The following DNAL1 variants were observed in gnomAD, a reference collection of about 807,000 sequenced individuals.
The protein encoded by DNAL1 is chromosome 14 open reading frame 168.
A neutral mutation model predicts 29.4 loss-of-function variants in DNAL1; 17 were observed. The ratio of observed to expected loss-of-function variants is 0.58; its 90% CI spans 0.40 to 0.87. DNAL1 has a LOEUF of 0.87. Ranked by LOEUF, DNAL1 falls within the 40% of genes least tolerant of loss-of-function variation. The pLI is 0.00. For missense variants in DNAL1, 188 were observed against 214.1 expected, an observed-to-expected ratio of 0.88 and a Z score of 0.76; for synonymous variants, 78 against 76.3, an observed-to-expected ratio of 1.02 and a Z score of -0.12.
chr14:73,688,041 G>A (rs1892065341), intron 6 of DNAL1, among the ~76,000 whole-genome samples: 1 of 151,562 alleles, frequency 6.6e-6, no homozygotes, highest in South Asian at 2.1e-4. Flanking sequence ...TAGGATGAAC[G>A]TAATCTGATA....
intron 5 of DNAL1, among the ~76,000 whole-genome samples, chr14:73,686,564 G>T (rs1041542233): frequency 2.0e-5 from 3 of 152,066 alleles, no homozygotes; most frequent in Non-Finnish European, 2.9e-5. Context: ...AAATTAGCCA[G>T]ATGTGGTAGT....
chr14:73,666,186 A>G (rs1461007002), intron 4 of DNAL1, among the ~76,000 whole-genome samples: 1 of 152,146 alleles, frequency 6.6e-6, no homozygotes, highest in Non-Finnish European at 1.5e-5. Flanking sequence ...CTATAGTCTT[A>G]CCTATTATGC....
intron 2 of DNAL1, among the ~76,000 whole-genome samples, chr14:73,658,172 A>G (rs953120823): frequency 2.3e-4 from 35 of 152,226 alleles, no homozygotes; most frequent in African/African-American, 7.9e-4. Flanking sequence ...CCTTTTCCCA[A>G]TGTATTTTCT....
At position 73,645,425 on chromosome 14, in the gene DNAL1, T is replaced by C. The variant is rs145450191; in HGVS notation, c.3+383T>C. Among the ~76,000 whole-genome samples the C allele has an allele frequency of 3.9e-3, 598 of 152,302 alleles. 2 individuals are homozygous for C. The highest frequency in any genetic ancestry group is 0.014 in the African/African-American group (567 of 41,560). ...CCCCCGTCGAGATGCAGGGAGGGGC[T>C]GGTTACCAGAGGGTTCTGTATAACA... is the stretch of plus-strand genomic sequence containing the variant. On this transcript the variant is annotated intron_variant, in intron 1 of 7. Coordinates refer to ENST00000553645, the MANE Select transcript of DNAL1 (RefSeq NM_031427.4).
chr14:73,652,085 T>C (rs1490323972), intron 1 of DNAL1, among the ~76,000 whole-genome samples: 1 of 152,152 alleles, frequency 6.6e-6, no homozygotes, highest in Non-Finnish European at 1.5e-5. Flanking sequence ...TCACCCAGGC[T>C]GAGTGCAGTG....
At chr14:73,666,661 C>T (rs1264942264) in intron 4 of DNAL1, among the ~76,000 whole-genome samples, 1 of 152,032 alleles carries the variant, frequency 6.6e-6, no homozygotes, top group Non-Finnish European at 1.5e-5. Flanking sequence ...TTTAGCCATT[C>T]GTTACCATTT....
At chr14:73,688,010 A>G (rs1892063858) in intron 6 of DNAL1, among the ~76,000 whole-genome samples, 1 of 152,114 alleles carries the variant, frequency 6.6e-6, no homozygotes, top group Non-Finnish European at 1.5e-5. Context: ...TAAAAAAGTG[A>G]AAGAACTTGA....
chr14:73,648,677 A>G (rs1891040078), intron 1 of DNAL1, among the ~76,000 whole-genome samples: 1 of 150,740 alleles, frequency 6.6e-6, no homozygotes, highest in Non-Finnish European at 1.5e-5. Flanking sequence ...GGCCTCCCAA[A>G]ATGCTGGGAT....
intron 1 of DNAL1, 48 bp from the exon 2 acceptor site, chr14:73,654,799 T>G: frequency 6.8e-7 from 1 of 1,473,368 alleles, no homozygotes; most frequent in Non-Finnish European, 9.0e-7. Context: ...CATTCATACA[T>G]ACATACAACT....
At chr14:73,659,326 C>CT (rs1290354082) in intron 3 of DNAL1, among the ~76,000 whole-genome samples, 6 of 151,744 alleles carry the variant, frequency 4.0e-5, no homozygotes, top group Non-Finnish European at 8.8e-5. Context: ...CCACGCCCAG[C>CT]AATTTTTTTG....
At chr14:73,655,016 G>A (rs1449282189) in intron 2 of DNAL1, 131 bp downstream of exon 2, 19 of 887,372 alleles carry the variant, frequency 2.1e-5, no homozygotes, top group Non-Finnish European at 3.0e-5. Context: ...GTCTATGGTG[G>A]TGGATGCATG....
intron 4 of DNAL1, among the ~76,000 whole-genome samples, chr14:73,662,921 C>T (rs1383890235): frequency 6.6e-6 from 1 of 151,576 alleles, no homozygotes; most frequent in African/African-American, 2.4e-5. Context: ...TCTTCAAGCC[C>T]TATATGCAAA....
At chr14:73,661,016 A>C (rs899626239) in intron 3 of DNAL1, among the ~76,000 whole-genome samples, 1 of 152,172 alleles carries the variant, frequency 6.6e-6, no homozygotes, top group African/African-American at 2.4e-5. Context: ...AGATTTGGCC[A>C]GTCATTTACC....
chr14:73,662,606 C>T (rs1183776389), intron 4 of DNAL1, among the ~76,000 whole-genome samples: 1 of 152,124 alleles, frequency 6.6e-6, no homozygotes, highest in Non-Finnish European at 1.5e-5. Flanking sequence ...CTAGCCTCTT[C>T]CAGCTTCTGG....
chr14:73,693,562 C>T (rs1367866962), intron 7 of DNAL1, among the ~76,000 whole-genome samples: 1 of 151,916 alleles, frequency 6.6e-6, no homozygotes, highest in African/African-American at 2.4e-5. Context: ...TAAAAGAAGC[C>T]AGACACAGGG....
intron 1 of DNAL1, among the ~76,000 whole-genome samples, chr14:73,654,524 C>T (rs1470363141): frequency 6.6e-6 from 1 of 152,020 alleles, no homozygotes; most frequent in African/African-American, 2.4e-5. Context: ...TTTAGGAGGC[C>T]GAGGGAGGCA....
chr14:73,682,882 T>A (rs796701019), intron 5 of DNAL1, among the ~76,000 whole-genome samples: 20 of 149,320 alleles, frequency 1.3e-4, no homozygotes, highest in South Asian at 6.3e-4. Context: ...TTTTTTTTTT[T>A]TTTTTTTTTT....
rs1255301112 is a variant in DNAL1, at chr14:73,696,268, TG to T, written c.*327del. The T allele has an allele frequency of 8.2e-5, 15 of 183,504 alleles. No homozygotes were observed. Among genetic ancestry groups the T allele is most frequent in the Non-Finnish European group, 1.3e-4 (12 of 89,506 alleles). The allele number at this position is 183,504 out of a possible 1,614,324, so 11.4% of individuals were successfully genotyped here. On this transcript the variant is annotated 3_prime_UTR_variant, in exon 8 of 8. Coordinates refer to ENST00000553645, the MANE Select transcript of DNAL1 (RefSeq NM_031427.4). ...TCATTTTTAATAACAAAGGAACAAA[TG>T]TTTTTTTCAGTTTGTTCATTTTTTT...
In DNAL1 at chr14:73,657,306, C is replaced by T. The variant is rs183926858; in HGVS notation, c.43-1541C>T. ...TCCTCCCACCTCAGCCTCCACCTCC[C>T]AAGTAGGTGGACCACAGTCGTGTGC... On this transcript the variant is annotated intron_variant, in intron 2 of 7. Transcript: ENST00000553645. Among the ~76,000 whole-genome samples the T allele has an allele frequency of 3.5e-4, 54 of 152,238 alleles. No homozygotes were observed. The East Asian group carries it at 9.9e-3, about 28-fold the overall frequency.
Sources: gnomAD v4.1 joint callset for allele counts (sites outside exome capture counted in the v4.1 genomes callset) on GRCh38, gnomAD v4.1.1 for gene constraint, MANE v1.5 for transcripts, NCBI Gene and HGNC (gene_info 2026-07-23, HGNC 2026-07-21) for gene names.